TSTD2: variants seen among roughly 807,000 people sequenced by gnomAD.
The protein encoded by TSTD2 is thiosulfate sulfurtransferase like domain containing 2, also known as thiosulfate sulfurtransferase/rhodanese-like domain-containing protein 2.
TSTD2 carries 37 observed loss-of-function variants against 47.9 expected under a neutral mutation model. The ratio of observed to expected loss-of-function variants is 0.77; its 90% CI spans 0.59 to 1.02. The LOEUF (loss-of-function observed/expected upper bound fraction) is 1.02. TSTD2 is among the 50% of genes least tolerant of loss of function. TSTD2 has a pLI of 0.00. For synonymous variants in TSTD2, 201 were observed against 215.9 expected, an observed-to-expected ratio of 0.93 and a Z score of 0.61; for missense variants, 586 against 616.0, an observed-to-expected ratio of 0.95 and a Z score of 0.52.
intron 2 of TSTD2, 142 bp from the exon 3 acceptor site, chr9:97,626,139 G>T: frequency 1.2e-6 from 1 of 808,290 alleles, no homozygotes; most frequent in African/African-American, 1.7e-5. Context: ...TCTCTGAGAA[G>T]TAACACTTCT....
chr9:97,619,494 T>C (rs1826597103), intron 3 of TSTD2, among the ~76,000 whole-genome samples: 2 of 152,128 alleles, frequency 1.3e-5, no homozygotes, highest in South Asian at 4.1e-4. Flanking sequence ...TAAATATGTA[T>C]TACGATTTTC....
chr9:97,620,298 T>G (rs1826612447), intron 3 of TSTD2, among the ~76,000 whole-genome samples: 1 of 152,228 alleles, frequency 6.6e-6, no homozygotes, highest in Non-Finnish European at 1.5e-5. Flanking sequence ...GACTTGCTCC[T>G]CCTTGCCTTC....
intron 1 of TSTD2, among the ~76,000 whole-genome samples, chr9:97,627,905 G>A (rs1459507296): frequency 6.6e-6 from 1 of 152,180 alleles, no homozygotes; most frequent in Non-Finnish European, 1.5e-5. Context: ...AAAGTCAGAT[G>A]GTGTAAAGGT....
rs1587971787 is a variant in TSTD2 at position 97,600,676 on chromosome 9, T to TA, written c.*1792dup. ...TTATTAGACAAATTGCTGCTGACCTTACGCCTGTATATTAAGCCTCCGCAG... is the reference window on the plus strand; with the variant it reads ...TTATTAGACAAATTGCTGCTGACCTTAACGCCTGTATATTAAGCCTCCGCAG... On this transcript the variant is annotated 3_prime_UTR_variant, in exon 10 of 10. Transcript: ENST00000341170. The TA allele has an allele frequency of 3.0e-6, 3 of 997,222 alleles. No homozygotes were observed. The highest frequency in any genetic ancestry group is 3.6e-6 in the Non-Finnish European group (3 of 837,258). 61.8% of individuals were successfully genotyped at this position (997,222 alleles called of 1,614,324 possible).
intron 3 of TSTD2, among the ~76,000 whole-genome samples, chr9:97,622,822 A>C (rs1826662510): frequency 6.6e-6 from 1 of 152,228 alleles, no homozygotes; most frequent in Non-Finnish European, 1.5e-5. Flanking sequence ...TGTTTTGGCC[A>C]ATTTCTCCCA....
At chr9:97,610,591 T>C (rs1826441755) in intron 5 of TSTD2, 140 bp from the exon 6 acceptor site, 1 of 524,148 alleles carries the variant, frequency 1.9e-6, no homozygotes. Flanking sequence ...GGGCCCAGAA[T>C]GTTCCAGATA....
Position 97,629,894 on chromosome 9 carries a change from C to T in TSTD2, c.-50-2282G>A, listed in dbSNP as rs775660286. ...TGTCGAAAGGAATTACTATCCAATCCGGTCCCACCTCCAGCATCTTTTCCA... is the reference window on the plus strand; with the variant it reads ...TGTCGAAAGGAATTACTATCCAATCTGGTCCCACCTCCAGCATCTTTTCCA... On this transcript the variant is annotated intron_variant, in intron 1 of 9. Transcript: ENST00000341170. Among the ~76,000 whole-genome samples the T allele has an allele frequency of 3.3e-5, 5 of 152,320 alleles. 1 individual carries two copies. Among genetic ancestry groups the T allele is most frequent in the South Asian group, 4.1e-4 (2 of 4,830 alleles).
chr9:97,601,372 T>C lies in TSTD2; in HGVS notation c.*1097A>G. The C allele has an allele frequency of 1.8e-6, 2 of 1,087,546 alleles. No individual in the cohort carries two copies. The highest frequency in any genetic ancestry group is 4.5e-5 in the South Asian group (2 of 44,584). The allele number at this position is 1,087,546 out of a possible 1,614,324, so 67.4% of individuals were successfully genotyped here. ...ATGACCTCAGTAAGAATGTGTCATGTATTCCAGGTGCTGATCTAAAAACTG... is the reference window on the plus strand; with the variant it reads ...ATGACCTCAGTAAGAATGTGTCATGCATTCCAGGTGCTGATCTAAAAACTG... On this transcript the variant is annotated 3_prime_UTR_variant, in exon 10 of 10. Coordinates refer to ENST00000341170, the MANE Select transcript of TSTD2 (RefSeq NM_139246.5).
Position 97,606,146 on chromosome 9 carries a change from T to C in TSTD2, c.951A>G (p.Lys317=). 1 of 1,596,398 alleles carries C rather than the reference T, an allele frequency of 6.3e-7. No homozygotes were observed. ...CTCAGTTCTGGCTTTTACTTACTAT[T>C]TTGCTTTCATAGAAGTTTCTGCAAT... The part of the protein sequence containing the change: ...LLDCRNFYES[K]IGRFQGCLAP... The change falls in exon 7 of 10, where the codon AAA becomes AAG. Residue 317 remains lysine, a synonymous_variant. Transcript: ENST00000341170.
chr9:97,609,566 G>A (rs577195903), intron 6 of TSTD2, among the ~76,000 whole-genome samples: 11 of 152,232 alleles, frequency 7.2e-5, no homozygotes, highest in Non-Finnish European at 1.0e-4. Context: ...TGAGACAACC[G>A]GGAATTGAGT....
Position 97,604,737 on chromosome 9 carries a change from A to G in TSTD2, c.1242T>C (p.Asp414=). The G allele has an allele frequency of 1.2e-6, 2 of 1,614,224 alleles. No individual in the cohort carries two copies. Among genetic ancestry groups the G allele is most frequent in the Admixed American group, 1.7e-5 (1 of 60,022 alleles). Residue 414 remains aspartate, a synonymous_variant, in exon 9 of 10, where the codon GAT becomes GAC. Transcript: ENST00000341170. The stretch of plus-strand genomic sequence containing the variant: ...CCTGTGCTGACCTACCTGACACCAC[A>G]TCACTGTTGTAGGACAGAGCATAGC... ...DERYALSYNS[D]VVSECSYCGA... is the part of the protein sequence containing the mutation.
At chr9:97,604,700 T>C (rs766173078) in intron 9 of TSTD2, 27 bp downstream of exon 9, 4 of 1,613,066 alleles carry the variant, frequency 2.5e-6, no homozygotes, top group South Asian at 1.1e-5. Flanking sequence ...TCATTTCAGT[T>C]TGGGCTCTGA....
Position 97,601,026 on chromosome 9 carries a change from G to A in TSTD2, c.*1443C>T. The A allele has an allele frequency of 7.7e-7, 1 of 1,297,574 alleles. No homozygotes were observed. The highest frequency in any genetic ancestry group is 1.0e-6 in the Non-Finnish European group (1 of 985,332). The allele number at this position is 1,297,574 out of a possible 1,614,324, so 80.4% of individuals were successfully genotyped here. On this transcript the variant is annotated 3_prime_UTR_variant, in exon 10 of 10. Transcript: ENST00000341170. Reference sequence around the variant, plus strand: ...GCAGAGAGGCTGGTGATGAAAAGGTGAAGGCCTGCGCACTGAACTGTAAGG... The same window carrying A: ...GCAGAGAGGCTGGTGATGAAAAGGTAAAGGCCTGCGCACTGAACTGTAAGG...
intron 1 of TSTD2, among the ~76,000 whole-genome samples, chr9:97,628,723 G>GT (rs1826761520): frequency 6.6e-6 from 1 of 152,178 alleles, no homozygotes; most frequent in Non-Finnish European, 1.5e-5. Context: ...AAGCAATGCT[G>GT]TATGACTGAG....
At chr9:97,622,237 C>T (rs113613954) in intron 3 of TSTD2, among the ~76,000 whole-genome samples, 18,100 of 152,192 alleles carry the variant, frequency 0.12, 3,033 homozygotes, top group African/African-American at 0.37. Flanking sequence ...TAGCTGTGAC[C>T]GAAAGGGGCC....
In TSTD2 at chr9:97,602,644, CAT is replaced by C. The variant is rs1379789137; in HGVS notation, c.1374_1375del (p.Cys459SerfsTer17). 4 of 1,614,084 alleles carry C rather than the reference CAT, an allele frequency of 2.5e-6. No individual in the cohort carries two copies. The highest frequency in any genetic ancestry group is 1.7e-5 in the Admixed American group (1 of 60,006). Reference sequence around the variant, plus strand: ...AACTTTCCTGCTCCCCTTGTCTTGACATGTGACACAACAGGCTGTGAATCCTT... The same window carrying C: ...AACTTTCCTGCTCCCCTTGTCTTGACGTGACACAACAGGCTGTGAATCCTT... On this transcript the variant is annotated frameshift_variant, in exon 10 of 10. Coordinates refer to ENST00000341170, the MANE Select transcript of TSTD2 (RefSeq NM_139246.5). LOFTEE classifies it low-confidence loss of function (END_TRUNC).
In TSTD2 at chr9:97,600,654, T is replaced by C. The variant is rs903537468; in HGVS notation, c.*1815A>G. 2.0e-6 allele frequency: 2 copies of C among 991,572 alleles called. No homozygotes were observed. Among genetic ancestry groups the C allele is most frequent in the Admixed American group, 6.0e-5 (1 of 16,714 alleles). The allele number at this position is 991,572 out of a possible 1,614,324, so 61.4% of individuals were successfully genotyped here. Reference sequence around the variant, plus strand: ...CTTCAGCTACTGATCTCATCACTTATTAGACAAATTGCTGCTGACCTTACG... The same window carrying C: ...CTTCAGCTACTGATCTCATCACTTACTAGACAAATTGCTGCTGACCTTACG... On this transcript the variant is annotated 3_prime_UTR_variant, in exon 10 of 10. Coordinates refer to ENST00000341170, the MANE Select transcript of TSTD2 (RefSeq NM_139246.5).
chr9:97,618,363 T>C (rs1347723381), intron 3 of TSTD2, among the ~76,000 whole-genome samples: 1 of 152,214 alleles, frequency 6.6e-6, no homozygotes, highest in African/African-American at 2.4e-5. Flanking sequence ...AAAGTGATAG[T>C]AAGGACCTAA....
At chr9:97,603,708 A>G (rs1826312933) in intron 9 of TSTD2, among the ~76,000 whole-genome samples, 1 of 152,156 alleles carries the variant, frequency 6.6e-6, no homozygotes, top group Admixed American at 6.5e-5. Context: ...TGGCCTAGAA[A>G]AACTTTTTTG....
Sources: gnomAD v4.1 joint callset for allele counts (sites outside exome capture counted in the v4.1 genomes callset) on GRCh38, gnomAD v4.1.1 for gene constraint, MANE v1.5 for transcripts, NCBI Gene and HGNC (gene_info 2026-07-23, HGNC 2026-07-21) for gene names.